Variants in GMDS observed in about 807,000 individuals in gnomAD.
GMDS encodes GDP-mannose 4,6 dehydratase.
GMDS carries 20 observed loss-of-function variants against 49.9 expected under a neutral mutation model. The observed-to-expected ratio is 0.40, with a 90% CI of 0.28 to 0.58. GMDS has a LOEUF of 0.58. GMDS is among the 20% of genes least tolerant of loss of function. GMDS has a pLI of 0.42. For synonymous variants in GMDS, 177 were observed against 178.6 expected (o/e 0.99, Z 0.07); for missense variants, 362 against 481.4 (o/e 0.75, Z 2.32).
intron 4 of GMDS, among the ~76,000 whole-genome samples, chr6:2,058,946 T>A (rs1770942473): frequency 6.6e-6 from 1 of 151,976 alleles, no homozygotes; most frequent in Non-Finnish European, 1.5e-5. Flanking sequence ...GGGGCCAAGG[T>A]GAGCAGATTG....
At chr6:1,806,478 G>A (rs938430943) in intron 7 of GMDS, among the ~76,000 whole-genome samples, 4 of 143,818 alleles carry the variant, frequency 2.8e-5, no homozygotes, top group South Asian at 2.2e-4. Context: ...ACACAGGCAC[G>A]CACATGCATA....
intron 4 of GMDS, among the ~76,000 whole-genome samples, chr6:2,017,608 C>T (rs1167456179): frequency 6.6e-6 from 1 of 152,094 alleles, no homozygotes; most frequent in Non-Finnish European, 1.5e-5. Flanking sequence ...CGTGTCCAGC[C>T]CACAATTGAC....
intron 7 of GMDS, among the ~76,000 whole-genome samples, chr6:1,749,792 C>T (rs1767652616): frequency 6.6e-6 from 1 of 152,006 alleles, no homozygotes; most frequent in African/African-American, 2.4e-5. Context: ...CTAACATCTG[C>T]TCTAAATTTT....
At chr6:2,154,889 CA>C (rs1215922928) in intron 1 of GMDS, among the ~76,000 whole-genome samples, 1 of 99,286 alleles carries the variant, frequency 1.0e-5, no homozygotes, top group African/African-American at 4.3e-5. Flanking sequence ...AAAAAAAAGA[CA>C]AAAACCAATC....
intron 9 of GMDS, among the ~76,000 whole-genome samples, chr6:1,721,402 A>G (rs1766380381): frequency 6.6e-6 from 1 of 152,252 alleles, no homozygotes; most frequent in South Asian, 2.1e-4. Context: ...ACAAAAACCA[A>G]TCACAACTGA....
At chr6:1,734,214 A>C (rs536789819) in intron 8 of GMDS, among the ~76,000 whole-genome samples, 1 of 152,312 alleles carries the variant, frequency 6.6e-6, no homozygotes, top group South Asian at 2.1e-4. Context: ...ATTCTAAGTA[A>C]GGGGCTTCTG....
chr6:2,089,297 T>C (rs925358546), intron 4 of GMDS, among the ~76,000 whole-genome samples: 5 of 152,144 alleles, frequency 3.3e-5, no homozygotes, highest in African/African-American at 1.2e-4. Context: ...TGATTTACTA[T>C]TGAATTTAGG....
intron 1 of GMDS, among the ~76,000 whole-genome samples, chr6:2,215,757 C>T (rs774540651): frequency 1.3e-5 from 2 of 152,092 alleles, no homozygotes; most frequent in South Asian, 2.1e-4. Flanking sequence ...TCACCTTATT[C>T]GGACCCTGAT....
At chr6:2,219,882 T>G (rs1259614677) in intron 1 of GMDS, among the ~76,000 whole-genome samples, 1 of 151,176 alleles carries the variant, frequency 6.6e-6, no homozygotes, top group Non-Finnish European at 1.5e-5. Context: ...AATCCAAAAC[T>G]TTTTTAGTGT....
At chr6:2,240,077 C>T (rs1781543224) in intron 1 of GMDS, among the ~76,000 whole-genome samples, 1 of 152,214 alleles carries the variant, frequency 6.6e-6, no homozygotes, top group Admixed American at 6.5e-5. Context: ...GCCTACAATC[C>T]TCTTATATGA....
chr6:2,065,990 T>C (rs1471556988), intron 4 of GMDS, among the ~76,000 whole-genome samples: 1 of 151,932 alleles, frequency 6.6e-6, no homozygotes, highest in Non-Finnish European at 1.5e-5. Context: ...AAAGTTGAAA[T>C]GAAGGAAAAA....
intron 1 of GMDS, among the ~76,000 whole-genome samples, chr6:2,218,948 A>C (rs1403650966): frequency 1.3e-5 from 2 of 152,178 alleles, no homozygotes; most frequent in Non-Finnish European, 2.9e-5. Context: ...TAATAAATAA[A>C]TAGGCTGGGC....
Position 2,066,412 on chromosome 6 carries a change from T to C in GMDS, c.345+49359A>G, listed in dbSNP as rs562135420. Among the ~76,000 whole-genome samples the C allele has an allele frequency of 6.8e-3, 968 of 141,664 alleles. 10 individuals carry two copies. The highest frequency in any genetic ancestry group is 0.023 in the African/African-American group (860 of 37,062). 92.9% of individuals were successfully genotyped at this position (141,664 alleles called of 152,430 possible). A position where few individuals can be genotyped will look rare whatever the true frequency, so the allele number is the denominator to read the frequency against. ...ATAATGACAGGATCAAATTCACACA[T>C]AACAATATTAACTTTAAATGTAAAT... On this transcript the variant is annotated intron_variant, in intron 4 of 10. Transcript: ENST00000380815.
At chr6:1,827,076 ATATG>A (rs796690935) in intron 7 of GMDS, among the ~76,000 whole-genome samples, 4,680 of 111,004 alleles carry the variant, frequency 0.042, 87 homozygotes, top group East Asian at 0.13. Context: ...AAAAAAATAT[ATATG>A]TGTGTGTGTG....
chr6:2,096,064 CA>C (rs1773587566), intron 4 of GMDS, among the ~76,000 whole-genome samples: 1 of 152,034 alleles, frequency 6.6e-6, no homozygotes, highest in Non-Finnish European at 1.5e-5. Flanking sequence ...ACTGAATGGA[CA>C]AAGGATAGGA....
In GMDS at chr6:1,833,800, C is replaced by T. The variant is rs1349192146; in HGVS notation, c.772-91214G>A. Among the ~76,000 whole-genome samples, 1 of 152,104 alleles carries T rather than the reference C, an allele frequency of 6.6e-6. No homozygotes were observed. The highest frequency in any genetic ancestry group is 1.5e-5 in the Non-Finnish European group (1 of 68,012). ...AATTTATGAAGGCAGAAATTAATAC[C>T]AAACCCAAACTGCTCATTAAACAAA... On this transcript the variant is annotated intron_variant, in intron 7 of 10. Coordinates refer to ENST00000380815, the MANE Select transcript of GMDS (RefSeq NM_001500.4). This position sits in a 1 kb window ranked among gnomAD's most constrained non-coding sequence, Gnocchi z 4.4.
chr6:1,740,809 T>C (rs1178126462), intron 8 of GMDS, among the ~76,000 whole-genome samples: 1 of 152,206 alleles, frequency 6.6e-6, no homozygotes, highest in African/African-American at 2.4e-5. Context: ...ATCTATATGC[T>C]ATTTTCCAAC....
intron 9 of GMDS, among the ~76,000 whole-genome samples, chr6:1,641,679 G>A (rs925485579): frequency 3.3e-5 from 5 of 152,124 alleles, no homozygotes; most frequent in South Asian, 2.1e-4. Flanking sequence ...AGTCAGGCGC[G>A]TACAGCTCGC....
intron 4 of GMDS, among the ~76,000 whole-genome samples, chr6:1,968,236 T>A (rs978375812): frequency 2.6e-5 from 4 of 152,220 alleles, no homozygotes; most frequent in African/African-American, 9.7e-5. Flanking sequence ...CTAGTCATAA[T>A]AATGACAAAC....
Sources: gnomAD v4.1 joint callset for allele counts (sites outside exome capture counted in the v4.1 genomes callset) on GRCh38, gnomAD v4.1.1 for gene constraint, Gnocchi (gnomAD v3.1) non-coding constraint, MANE v1.5 for transcripts, NCBI Gene and HGNC (gene_info 2026-07-23, HGNC 2026-07-21) for gene names.